RBM18: variants seen among roughly 807,000 people sequenced by gnomAD.
RBM18 encodes RNA binding motif protein 18.
In RBM18, 18 loss-of-function variants were observed where a neutral mutation model predicts 26.4. The ratio of observed to expected loss-of-function variants is 0.68; its 90% CI spans 0.47 to 1.01. RBM18 has a LOEUF of 1.01. Among genes scored for constraint, RBM18 ranks in the 50% least tolerant of loss-of-function variants. The probability of loss-of-function intolerance (pLI) is 0.00; values close to 1 mark genes in which losing one functional copy is unlikely to be tolerated. For missense variants in RBM18, 180 were observed against 219.2 expected, an observed-to-expected ratio of 0.82 and a Z score of 1.13; for synonymous variants, 74 against 81.1, an observed-to-expected ratio of 0.91 and a Z score of 0.47.
chr9:122,251,899 G>A lies in RBM18; in HGVS notation c.188C>T (p.Ala63Val), dbSNP rs377109202. Residue 63 changes from alanine (A) to valine (V), a missense_variant, in exon 3 of 6, where the codon GCT (alanine) becomes GTT (valine). This residue lies in a region of RBM18 where 28 missense variants were observed against 59.9 expected (regional missense o/e 0.47). Coordinates refer to ENST00000417201, the MANE Select transcript of RBM18 (RefSeq NM_033117.4). ...QFDFLFHKSG[A>V]LEGQPRGYCF... is the part of the protein sequence containing the mutation. Reference sequence around the variant, plus strand: ...GTAGCCTCGAGGCTGTCCCTCCAAAGCACCTGACTTGTGGAAGAGGAAGTC... The same window carrying A: ...GTAGCCTCGAGGCTGTCCCTCCAAAACACCTGACTTGTGGAAGAGGAAGTC... 6.2e-7 allele frequency: 1 copy of A among 1,614,128 alleles called. No homozygotes were observed.
At chr9:122,264,332 G>A (rs1218469318) in intron 1 of RBM18, among the ~76,000 whole-genome samples, 1 of 152,232 alleles carries the variant, frequency 6.6e-6, no homozygotes, top group African/African-American at 2.4e-5. Flanking sequence ...GACGGCACGG[G>A]ACTATCAAAA....
At chr9:122,249,404 G>A (rs1831561568) in intron 3 of RBM18, among the ~76,000 whole-genome samples, 1 of 152,164 alleles carries the variant, frequency 6.6e-6, no homozygotes, top group Non-Finnish European at 1.5e-5. Context: ...CATGATCACT[G>A]ATTTTAGTTG....
In RBM18 at chr9:122,237,886, G is replaced by T. The variant is rs1204066300; in HGVS notation, c.*3998C>A. ...TCTAATAGTTATTAACATACACTGA[G>T]ATTTGAATTTCGTATCATTTTCATG... On this transcript the variant is annotated 3_prime_UTR_variant, in exon 6 of 6. Coordinates refer to ENST00000417201, the MANE Select transcript of RBM18 (RefSeq NM_033117.4). 6.6e-6 allele frequency: 1 copy of T among 152,076 alleles called. No homozygotes were observed. Among genetic ancestry groups the T allele is most frequent in the Non-Finnish European group, 1.5e-5 (1 of 68,024 alleles). 9.4% of individuals were successfully genotyped at this position (152,076 alleles called of 1,614,324 possible).
rs1192696876 is a variant in RBM18, at chr9:122,243,924, A to C, written c.413+1332T>G. 7.4e-6 allele frequency: 7 copies of C among 946,426 alleles called. No homozygotes were observed. In the South Asian group the frequency reaches 3.4e-4, roughly 46 times the overall value. The allele number at this position is 946,426 out of a possible 1,614,324, so 58.6% of individuals were successfully genotyped here. A position where few individuals can be genotyped will look rare whatever the true frequency, so the allele number is the denominator to read the frequency against. On this transcript the variant is annotated intron_variant, in intron 5 of 5. Transcript: ENST00000417201. ...GCTATCTTGTAAACAAGTGGCATAT[A>C]CAAATCATAAGAAACTAAAGACATG...
chr9:122,243,124 A>G (rs1831450617), intron 5 of RBM18, among the ~76,000 whole-genome samples: 1 of 151,926 alleles, frequency 6.6e-6, no homozygotes, highest in South Asian at 2.1e-4. Context: ...TACCGCGCCC[A>G]GCCCCATCTG....
intron 4 of RBM18, 56 bp from the exon 5 acceptor site, chr9:122,245,397 G>T: frequency 9.3e-7 from 1 of 1,072,218 alleles, no homozygotes; most frequent in Non-Finnish European, 1.4e-6. Flanking sequence ...GCCCTTTACT[G>T]TAGTGGATGG....
chr9:122,258,488 C>A (rs1017340812), intron 2 of RBM18, among the ~76,000 whole-genome samples: 2 of 152,102 alleles, frequency 1.3e-5, no homozygotes, highest in African/African-American at 4.8e-5. Context: ...AGGATGGTCT[C>A]GATTTCCTAA....
intron 5 of RBM18, among the ~76,000 whole-genome samples, chr9:122,244,187 G>A (rs911806147): frequency 5.9e-5 from 9 of 151,906 alleles, no homozygotes; most frequent in Non-Finnish European, 1.2e-4. Context: ...ACTATAGAAT[G>A]AATTTAAATT....
chr9:122,258,908 C>A (rs908784006), intron 2 of RBM18, among the ~76,000 whole-genome samples: 1,549 of 108,956 alleles, frequency 0.014, no homozygotes, highest in African/African-American at 0.018. Flanking sequence ...ACAGAGCTGT[C>A]AAAAAAAAAA....
intron 3 of RBM18, among the ~76,000 whole-genome samples, chr9:122,248,975 C>T (rs942030514): frequency 6.6e-6 from 1 of 152,204 alleles, no homozygotes; most frequent in African/African-American, 2.4e-5. Flanking sequence ...TGCCCCACTA[C>T]AGCACACAAA....
intron 2 of RBM18, among the ~76,000 whole-genome samples, chr9:122,258,523 T>C (rs990108962): frequency 6.6e-6 from 1 of 152,164 alleles, no homozygotes; most frequent in Non-Finnish European, 1.5e-5. Context: ...CGCCTCGGCC[T>C]CCCAAAGTGC....
intron 2 of RBM18, among the ~76,000 whole-genome samples, chr9:122,254,645 T>C (rs1831660447): frequency 1.3e-5 from 2 of 152,208 alleles, no homozygotes; most frequent in Admixed American, 1.3e-4. Flanking sequence ...TAAGACAGCT[T>C]TTCTGCCTAA....
intron 2 of RBM18, among the ~76,000 whole-genome samples, chr9:122,255,577 T>C (rs1391860242): frequency 2.6e-5 from 4 of 152,152 alleles, no homozygotes; most frequent in South Asian, 2.1e-4. Flanking sequence ...CAAGATCTTT[T>C]TATATTCCTC....
chr9:122,260,459 A>G (rs999750532), intron 2 of RBM18, among the ~76,000 whole-genome samples: 5 of 152,234 alleles, frequency 3.3e-5, no homozygotes, highest in Non-Finnish European at 7.3e-5. Flanking sequence ...CCTCTATCAA[A>G]TAACTGGCAG....
At chr9:122,251,366 T>C (rs961879633) in intron 3 of RBM18, among the ~76,000 whole-genome samples, 3 of 152,206 alleles carry the variant, frequency 2.0e-5, no homozygotes, top group African/African-American at 4.8e-5. Flanking sequence ...GTATATATCA[T>C]GGTTGAAGGT....
intron 2 of RBM18, among the ~76,000 whole-genome samples, chr9:122,258,677 C>T (rs1203091365): frequency 6.6e-6 from 1 of 152,000 alleles, no homozygotes; most frequent in Non-Finnish European, 1.5e-5. Flanking sequence ...TAGTGGCTCA[C>T]GCCTGTAATC....
At chr9:122,247,719 T>C in intron 3 of RBM18, 115 bp from the exon 4 acceptor site, 1 of 764,330 alleles carries the variant, frequency 1.3e-6, no homozygotes, top group Non-Finnish European at 2.2e-6. Context: ...TTGTTTTTGG[T>C]AAATAACTGG....
intron 2 of RBM18, among the ~76,000 whole-genome samples, chr9:122,253,094 T>A (rs1337498889): frequency 1.3e-5 from 2 of 152,186 alleles, no homozygotes. Context: ...TCAGCCCACA[T>A]GCTAAATCTG....
intron 2 of RBM18, among the ~76,000 whole-genome samples, chr9:122,259,612 A>G (rs1272820332): frequency 2.0e-5 from 3 of 152,314 alleles, no homozygotes; most frequent in East Asian, 3.9e-4. Flanking sequence ...ACTTTTTGTT[A>G]TAATCCTGAT....
Sources: allele counts gnomAD v4.1 joint callset (sites outside exome capture counted in the v4.1 genomes callset), GRCh38; gene constraint gnomAD v4.1.1; regional missense constraint gnomAD v4.1.1; transcripts MANE v1.5; gene names NCBI Gene and HGNC (gene_info 2026-07-23, HGNC 2026-07-21).